HMCN1: variants seen among roughly 807,000 people sequenced by gnomAD.
HMCN1 encodes hemicentin 1.
Under a neutral mutation model 625.9 loss-of-function variants are expected in HMCN1, and 321 were observed. The ratio of observed to expected loss-of-function variants is 0.51; its 90% CI spans 0.47 to 0.56. HMCN1 has a LOEUF of 0.56. Among genes scored for constraint, HMCN1 ranks in the 20% least tolerant of loss-of-function variants. The pLI is 0.00. For missense variants in HMCN1, 6,588 were observed against 6,887.3 expected, an observed-to-expected ratio of 0.96 and a Z score of 1.54; for synonymous variants, 2,425 against 2,417.6, an observed-to-expected ratio of 1.00 and a Z score of -0.09.
chr1:185,901,243 A>G (rs1247089195), intron 4 of HMCN1, among the ~76,000 whole-genome samples: 1 of 151,614 alleles, frequency 6.6e-6, no homozygotes, highest in Admixed American at 6.6e-5. Context: ...AATTATTACG[A>G]CCTAGGCCCT....
chr1:186,100,265 G>C (rs1660325209), intron 68 of HMCN1, among the ~76,000 whole-genome samples: 1 of 152,108 alleles, frequency 6.6e-6, no homozygotes, highest in Non-Finnish European at 1.5e-5. Flanking sequence ...AGAAAGATGA[G>C]AAGTTTTAGC....
intron 105 of HMCN1, among the ~76,000 whole-genome samples, chr1:186,183,107 G>A (rs1218530671): frequency 6.6e-6 from 1 of 152,142 alleles, no homozygotes; most frequent in Non-Finnish European, 1.5e-5. Flanking sequence ...TATTATGTGG[G>A]TCTTAATAAG....
chr1:185,911,974 A>G (rs1456253097), intron 6 of HMCN1, among the ~76,000 whole-genome samples, 194 bp downstream of exon 6: 5 of 152,176 alleles, frequency 3.3e-5, no homozygotes, highest in Non-Finnish European at 7.4e-5. Flanking sequence ...AGGACCATGA[A>G]TGTCATCATT....
chr1:185,955,424 G>A (rs1055282512), intron 11 of HMCN1, among the ~76,000 whole-genome samples: 1 of 152,144 alleles, frequency 6.6e-6, no homozygotes, highest in Admixed American at 6.6e-5. Context: ...TGAGTACTAT[G>A]TATCTTCAAA....
intron 54 of HMCN1, among the ~76,000 whole-genome samples, chr1:186,077,781 G>C (rs868817781): frequency 2.0e-5 from 3 of 152,108 alleles, no homozygotes; most frequent in African/African-American, 7.2e-5. Flanking sequence ...TATTAAAAGT[G>C]TTCAAAACTA....
At position 186,151,629 on chromosome 1, in the gene HMCN1, T is replaced by G. The variant is rs773238960; in HGVS notation, c.14782T>G (p.Ser4928Ala). The change falls in exon 95 of 107, where the codon TCT becomes GCT. Residue 4928 changes from serine (S) to alanine (A), a missense_variant. Around this residue, in one of 3 missense-constraint regions of HMCN1, gnomAD observed 1,954 missense variants for 2,013.1 expected, o/e 0.97. Transcript: ENST00000271588. ...AGGTTCAGCAATGAGAAAGATAGTT[T>G]CTATTCTAAATCCCATTTATTGGAC... ...SLGSAMRKIV[S>A]ILNPIYWTTA... 1 of 1,613,026 alleles carries G rather than the reference T, an allele frequency of 6.2e-7. No individual in the cohort carries two copies. The highest frequency in any genetic ancestry group is 1.7e-5 in the Admixed American group (1 of 59,988).
intron 4 of HMCN1, among the ~76,000 whole-genome samples, chr1:185,902,355 G>T (rs1486488304): frequency 1.3e-5 from 2 of 151,004 alleles, no homozygotes; most frequent in African/African-American, 2.4e-5. Flanking sequence ...GCCAAACTAT[G>T]ACCCTTCCTC....
At chr1:186,081,098 G>C in intron 55 of HMCN1, 109 bp from the exon 56 acceptor site, 1 of 882,774 alleles carries the variant, frequency 1.1e-6, no homozygotes, top group Non-Finnish European at 1.9e-6. Flanking sequence ...TCTCCTTCAA[G>C]TTTTGCTTCT....
chr1:185,756,335 C>A (rs145478837), intron 1 of HMCN1, among the ~76,000 whole-genome samples: 1 of 151,980 alleles, frequency 6.6e-6, no homozygotes, highest in Non-Finnish European at 1.5e-5. Context: ...TTTAAGTTCA[C>A]CTTTCTCATT....
chr1:185,845,068 G>T (rs562304930), intron 1 of HMCN1, among the ~76,000 whole-genome samples: 1 of 152,304 alleles, frequency 6.6e-6, no homozygotes, highest in African/African-American at 2.4e-5. Context: ...TTGTGAGGAT[G>T]GCCACAGCCC....
At chr1:185,874,770 T>A (rs1663827873) in intron 4 of HMCN1, among the ~76,000 whole-genome samples, 1 of 152,012 alleles carries the variant, frequency 6.6e-6, no homozygotes, top group Non-Finnish European at 1.5e-5. Context: ...AGAAATTTAT[T>A]TACTTTAAAA....
At chr1:185,857,950 A>G (rs1256793224) in intron 2 of HMCN1, among the ~76,000 whole-genome samples, 1 of 152,204 alleles carries the variant, frequency 6.6e-6, no homozygotes, top group Non-Finnish European at 1.5e-5. Context: ...CTGATTATAC[A>G]GTGTCTCTGA....
chr1:186,067,605 T>G (rs1369981269), intron 49 of HMCN1, among the ~76,000 whole-genome samples: 1 of 152,104 alleles, frequency 6.6e-6, no homozygotes, highest in African/African-American at 2.4e-5. Context: ...CCTTACTACA[T>G]TGTGGTTTTT....
At chr1:185,869,358 G>A (rs1663464509) in intron 4 of HMCN1, among the ~76,000 whole-genome samples, 1 of 152,160 alleles carries the variant, frequency 6.6e-6, no homozygotes, top group Admixed American at 6.5e-5. Context: ...GGTTAAGTGA[G>A]ATAATGCACT....
At chr1:185,797,557 T>C (rs1383526056) in intron 1 of HMCN1, among the ~76,000 whole-genome samples, 1 of 152,244 alleles carries the variant, frequency 6.6e-6, no homozygotes, top group Admixed American at 6.5e-5. Flanking sequence ...TTCTCCTACC[T>C]TGGCCTTCCA....
chr1:185,883,569 C>T (rs557286560), intron 4 of HMCN1, among the ~76,000 whole-genome samples: 1 of 152,006 alleles, frequency 6.6e-6, no homozygotes, highest in South Asian at 2.1e-4. Context: ...TTGTGTGTAT[C>T]ATTAGTTGGT....
At chr1:186,093,068 C>T in intron 64 of HMCN1, 66 bp from the exon 65 acceptor site, 3 of 1,600,844 alleles carry the variant, frequency 1.9e-6, no homozygotes, top group Admixed American at 1.7e-5. Flanking sequence ...TTTTAATAGG[C>T]TTTCATGTAC....
At chr1:186,124,147 C>CTA (rs1661530717) in intron 81 of HMCN1, among the ~76,000 whole-genome samples, 1 of 152,022 alleles carries the variant, frequency 6.6e-6, no homozygotes, top group Non-Finnish European at 1.5e-5. Context: ...TGACCATATA[C>CTA]TAAACAAAGA....
Position 186,103,601 on chromosome 1 carries a change from C to A in HMCN1, c.10703C>A (p.Pro3568His). 2 of 1,613,824 alleles carry A rather than the reference C, an allele frequency of 1.2e-6. No homozygotes were observed. The highest frequency in any genetic ancestry group is 1.7e-6 in the Non-Finnish European group (2 of 1,179,844). The part of the protein sequence containing the change: ...PKMTWMKDGR[P>H]LPQTDQVQTL... ...ATGACCTGGATGAAAGATGGCCGGC[C>A]CCTTCCACAGACGGATCAAGTGCAA... The change falls in exon 69 of 107, where the codon CCC (proline) becomes CAC (histidine). Residue 3568 changes from proline to histidine, a missense_variant. Pro to His is a moderately conservative substitution (Grantham distance 77). Coordinates refer to ENST00000271588, the MANE Select transcript of HMCN1 (RefSeq NM_031935.3).
Sources: allele counts gnomAD v4.1 joint callset (sites outside exome capture counted in the v4.1 genomes callset), GRCh38; gene constraint gnomAD v4.1.1; regional missense constraint gnomAD v4.1.1; transcripts MANE v1.5; gene names NCBI Gene and HGNC (gene_info 2026-07-23, HGNC 2026-07-21).